Variants in FANK1 observed in about 807,000 individuals in gnomAD.
The protein encoded by FANK1 is fibronectin type 3 and ankyrin repeat domains protein 1.
FANK1 carries 44 observed loss-of-function variants against 45.3 expected under a neutral mutation model. The observed-to-expected ratio is 0.97, with a 90% CI of 0.76 to 1.25. The LOEUF is 1.25. Ranked by LOEUF, FANK1 falls within the 50% of genes most tolerant of loss-of-function variation. FANK1 has a pLI of 0.00. For synonymous variants in FANK1, 149 were observed against 152.5 expected, an observed-to-expected ratio of 0.98 and a Z score of 0.17; for missense variants, 391 against 424.4, an observed-to-expected ratio of 0.92 and a Z score of 0.69.
At position 125,948,783 on chromosome 10, in the gene FANK1, T is replaced by C. The variant is rs867866112; in HGVS notation, c.14-31378T>C. Among the ~76,000 whole-genome samples, 135 of 150,828 alleles carry C rather than the reference T, an allele frequency of 9.0e-4. 1 individual carries two copies. The South Asian group carries it at 0.015, about 17-fold the overall frequency. ...ACTCATTTTATGAGGCCAGCATCAT[T>C]CTGATACCAAAGCCAGGCAGAGACA... On this transcript the variant is annotated intron_variant, in intron 1 of 10. Transcript: ENST00000368693.
intron 1 of FANK1, among the ~76,000 whole-genome samples, chr10:125,950,574 C>T (rs928601427): frequency 1.9e-4 from 29 of 152,290 alleles, no homozygotes; most frequent in Non-Finnish European, 4.1e-4. Context: ...GAGATACCAT[C>T]TCACACCAGT....
chr10:125,984,870 A>AT (rs1012461311), intron 2 of FANK1, among the ~76,000 whole-genome samples: 4 of 152,086 alleles, frequency 2.6e-5, no homozygotes, highest in African/African-American at 7.2e-5. Flanking sequence ...AGATTCATTT[A>AT]TTTTTTCAGC....
At chr10:125,945,347 G>T (rs1394870102) in intron 1 of FANK1, among the ~76,000 whole-genome samples, 10 of 152,216 alleles carry the variant, frequency 6.6e-5, no homozygotes, top group Non-Finnish European at 1.2e-4. Flanking sequence ...TACCGGGTTT[G>T]TCTCACTAGG....
At chr10:125,969,419 CT>C (rs1950357609) in intron 1 of FANK1, among the ~76,000 whole-genome samples, 2 of 150,788 alleles carry the variant, frequency 1.3e-5, no homozygotes, top group African/African-American at 4.9e-5. Flanking sequence ...AGTTCTAAAA[CT>C]TTTGTATAAA....
chr10:125,911,936 G>C (rs1946046886), intron 1 of FANK1, among the ~76,000 whole-genome samples: 1 of 152,146 alleles, frequency 6.6e-6, no homozygotes, highest in African/African-American at 2.4e-5. Flanking sequence ...CAGCATCTGT[G>C]CATGATAGTT....
chr10:126,008,914 G>A, intron 8 of FANK1, 140 bp from the exon 9 acceptor site: 8 of 741,554 alleles, frequency 1.1e-5, no homozygotes, highest in South Asian at 7.2e-5. Context: ...CGCTGTGCCT[G>A]CAGGCCATGC....
intron 6 of FANK1, among the ~76,000 whole-genome samples, chr10:125,999,983 C>G (rs1047229409): frequency 6.6e-6 from 1 of 151,972 alleles, no homozygotes; most frequent in Non-Finnish European, 1.5e-5. Context: ...AAGTGGACAG[C>G]TACAAGGCAA....
At chr10:126,000,107 T>C (rs1458260831) in intron 6 of FANK1, among the ~76,000 whole-genome samples, 2 of 152,190 alleles carry the variant, frequency 1.3e-5, no homozygotes, top group Non-Finnish European at 2.9e-5. Context: ...AAAACCTTAC[T>C]GAGAGATATA....
intron 1 of FANK1, among the ~76,000 whole-genome samples, chr10:125,971,255 C>G (rs914453098): frequency 1.3e-5 from 2 of 152,100 alleles, no homozygotes; most frequent in Non-Finnish European, 2.9e-5. Flanking sequence ...CAGCATTTGA[C>G]TGGCTTCCTA....
At chr10:125,954,710 A>G (rs777228089) in intron 1 of FANK1, among the ~76,000 whole-genome samples, 5 of 152,118 alleles carry the variant, frequency 3.3e-5, no homozygotes, top group Non-Finnish European at 5.9e-5. Context: ...ACTTGAGGTC[A>G]GGAGTTCGAG....
intron 1 of FANK1, among the ~76,000 whole-genome samples, chr10:125,919,124 T>TG (rs1460024090): frequency 1.3e-5 from 2 of 151,222 alleles, no homozygotes; most frequent in Non-Finnish European, 2.9e-5. Context: ...TAACTGCTAA[T>TG]GCATTGGCCT....
At chr10:126,002,013 T>G (rs1952794571) in intron 6 of FANK1, among the ~76,000 whole-genome samples, 1 of 152,066 alleles carries the variant, frequency 6.6e-6, no homozygotes, top group Admixed American at 6.5e-5. Context: ...GAGGCATTAT[T>G]TAAAAATCAT....
chr10:125,947,197 T>G, intron 1 of FANK1, among the ~76,000 whole-genome samples: 1 of 151,926 alleles, frequency 6.6e-6, no homozygotes, highest in East Asian at 1.9e-4. Context: ...AGGAAGAAAC[T>G]GCATCAACTA....
intron 1 of FANK1, among the ~76,000 whole-genome samples, chr10:125,935,144 C>T (rs972208954): frequency 2.6e-5 from 4 of 152,196 alleles, no homozygotes; most frequent in African/African-American, 9.6e-5. Context: ...TCCCCCCATT[C>T]ATTCCTTCAC....
chr10:125,946,799 A>C (rs548448673), intron 1 of FANK1, among the ~76,000 whole-genome samples: 1 of 11,392 alleles, frequency 8.8e-5, no homozygotes, highest in African/African-American at 5.3e-4. Context: ...TCCAAGACAC[A>C]TATTTCCTCA....
rs573685140 is a variant in FANK1 at position 125,908,724 on chromosome 10, C to A, written c.13+12069C>A. 5.3e-5 allele frequency among the ~76,000 whole-genome samples: 8 copies of A among 151,968 alleles called. No homozygotes were observed. In the South Asian group the frequency reaches 1.7e-3, roughly 32 times the overall value. On this transcript the variant is annotated intron_variant, in intron 1 of 10. Transcript: ENST00000368693. The stretch of plus-strand genomic sequence containing the variant: ...AGAACTTACTCATGTAACCAAACAC[C>A]ATCTGTTCCCCAAAAACCTATTGAA...
chr10:125,915,319 C>T (rs1373690491), intron 1 of FANK1, among the ~76,000 whole-genome samples: 1 of 152,048 alleles, frequency 6.6e-6, no homozygotes, highest in Non-Finnish European at 1.5e-5. Context: ...ACAACCAGTT[C>T]AAAAGGGAAC....
intron 1 of FANK1, among the ~76,000 whole-genome samples, chr10:125,971,132 T>A (rs1430245625): frequency 1.3e-5 from 2 of 152,210 alleles, no homozygotes; most frequent in Non-Finnish European, 2.9e-5. Flanking sequence ...GTATATACAA[T>A]CTTTTCAGAT....
chr10:125,956,217 G>A (rs111308055), intron 1 of FANK1, among the ~76,000 whole-genome samples: 2 of 134,654 alleles, frequency 1.5e-5, no homozygotes, highest in African/African-American at 2.9e-5. Context: ...GGGGGGCGGT[G>A]GTGGGGGTAA....
Sources: gnomAD v4.1 joint callset for allele counts (sites outside exome capture counted in the v4.1 genomes callset) on GRCh38, gnomAD v4.1.1 for gene constraint, MANE v1.5 for transcripts, NCBI Gene and HGNC (gene_info 2026-07-23, HGNC 2026-07-21) for gene names.